The following NHERF1 variants were observed in gnomAD, a reference collection of about 807,000 sequenced individuals.
NHERF1 encodes Na(+)/H(+) exchange regulatory cofactor NHE-RF1.
At chr17:74,763,933 G>A in the NHERF1 span, among the ~76,000 whole-genome samples, 5 of 151,926 alleles carry the variant, frequency 3.3e-5, no homozygotes, top group South Asian at 6.2e-4. Flanking sequence ...GTCCAGTGAC[G>A]GGGGCCGGTG....
At chr17:74,750,286 C>T in the NHERF1 span, among the ~76,000 whole-genome samples, 3 of 152,174 alleles carry the variant, frequency 2.0e-5, 1 homozygote, top group Admixed American at 1.3e-4. Flanking sequence ...GCTGAGCCTC[C>T]TGTCCCCAGA....
chr17:74,759,704 CCT>C, the NHERF1 span, among the ~76,000 whole-genome samples: 2 of 152,248 alleles, frequency 1.3e-5, no homozygotes, highest in Admixed American at 1.3e-4. Context: ...GGAGAGAGCC[CCT>C]GTCTGCCCTC....
At chr17:74,767,036 G>A in the NHERF1 span, 8 of 1,521,484 alleles carry the variant, frequency 5.3e-6, no homozygotes, top group South Asian at 2.2e-5. Context: ...AGACAGATCA[G>A]AAGGTGCTGT....
chr17:74,764,526 G>A, the NHERF1 span, among the ~76,000 whole-genome samples: 9 of 152,126 alleles, frequency 5.9e-5, no homozygotes, highest in Non-Finnish European at 1.3e-4. The surrounding 1 kb of genome is among the most constrained non-coding windows in gnomAD (Gnocchi z 4.9). Context: ...GGAGACTAAG[G>A]CCCAGAGAAG....
the NHERF1 span, chr17:74,748,644 G>T: frequency 2.0e-6 from 1 of 511,676 alleles, no homozygotes; most frequent in South Asian, 3.0e-5. The surrounding 1 kb of genome is among the most constrained non-coding windows in gnomAD (Gnocchi z 4.3). Flanking sequence ...CGCGCGGGGC[G>T]GGGATTGGTC....
At chr17:74,758,656 C>T in the NHERF1 span, among the ~76,000 whole-genome samples, 179 of 152,314 alleles carry the variant, frequency 1.2e-3, no homozygotes, top group African/African-American at 4.0e-3. The surrounding 1 kb of genome is among the most constrained non-coding windows in gnomAD (Gnocchi z 4.3). Context: ...CACCATGCTT[C>T]GGACCCCTCT....
chr17:74,752,886 C>T, the NHERF1 span, among the ~76,000 whole-genome samples: 1 of 152,236 alleles, frequency 6.6e-6, no homozygotes, highest in Admixed American at 6.5e-5. Flanking sequence ...CTATCCCCAG[C>T]GCTGTCCTTG....
chr17:74,750,884 C>T, the NHERF1 span, among the ~76,000 whole-genome samples: 10 of 150,724 alleles, frequency 6.6e-5, no homozygotes, highest in Non-Finnish European at 1.2e-4. Flanking sequence ...GCATAGCACA[C>T]GTGCGCAAAG....
At chr17:74,767,977 G>A in the NHERF1 span, 2 of 724,396 alleles carry the variant, frequency 2.8e-6, no homozygotes, top group Admixed American at 1.9e-5. Context: ...CCAAAGGAAT[G>A]TAAAAAGGAG....
At chr17:74,763,115 TG>T in the NHERF1 span, 2 of 410,776 alleles carry the variant, frequency 4.9e-6, no homozygotes, top group Non-Finnish European at 4.4e-6. Flanking sequence ...CTCCCAGCTG[TG>T]TTTGTTTAGT....
At chr17:74,750,055 A>G in the NHERF1 span, among the ~76,000 whole-genome samples, 1 of 152,128 alleles carries the variant, frequency 6.6e-6, no homozygotes, top group Non-Finnish European at 1.5e-5. Context: ...GGAAGAAGAA[A>G]AAGATGGCCA....
the NHERF1 span, among the ~76,000 whole-genome samples, chr17:74,765,139 C>T: frequency 6.6e-6 from 1 of 152,180 alleles, no homozygotes; most frequent in African/African-American, 2.4e-5. Flanking sequence ...CTCCCTCTGA[C>T]CCCTCCAGGT....
At chr17:74,753,843 G>A in the NHERF1 span, among the ~76,000 whole-genome samples, 1 of 152,094 alleles carries the variant, frequency 6.6e-6, no homozygotes, top group South Asian at 2.1e-4. Context: ...CTGGGAAAGT[G>A]GGGTGGGAAA....
chr17:74,762,246 C>A, the NHERF1 span: 1 of 1,354,866 alleles, frequency 7.4e-7, no homozygotes, highest in Non-Finnish European at 1.0e-6. The surrounding 1 kb of genome is among the most constrained non-coding windows in gnomAD (Gnocchi z 4.2). Context: ...GGGCAGCCAT[C>A]ATACCATCAT....
the NHERF1 span, among the ~76,000 whole-genome samples, chr17:74,764,818 C>T: frequency 6.6e-6 from 1 of 152,186 alleles, no homozygotes; most frequent in African/African-American, 2.4e-5. This position sits in a 1 kb window ranked among gnomAD's most constrained non-coding sequence, Gnocchi z 4.9. Context: ...GCCCCCCTCT[C>T]CGGCTGCCAG....
the NHERF1 span, chr17:74,768,258 TG>T: frequency 7.6e-6 from 12 of 1,580,782 alleles, no homozygotes; most frequent in Non-Finnish European, 9.6e-6. Context: ...ATGCGGGGGG[TG>T]GCAACTGGGT....
the NHERF1 span, among the ~76,000 whole-genome samples, chr17:74,753,827 T>C: frequency 0.012 from 1,771 of 151,980 alleles, 20 homozygotes; most frequent in Non-Finnish European, 0.019. Flanking sequence ...CCCATCTCAA[T>C]GGTCCCTGGG....
chr17:74,765,557 CT>C, the NHERF1 span, among the ~76,000 whole-genome samples: 267 of 128,734 alleles, frequency 2.1e-3, no homozygotes, highest in Middle Eastern at 6.3e-3. Flanking sequence ...CGCGCCTGGC[CT>C]TTTTTTTTTT....
the NHERF1 span, chr17:74,763,415 G>C: frequency 6.2e-7 from 1 of 1,614,050 alleles, no homozygotes; most frequent in South Asian, 1.1e-5. Context: ...CGTGGTGTCC[G>C]CCATCAGGGC....
Sources: allele counts gnomAD v4.1 joint callset (sites outside exome capture counted in the v4.1 genomes callset), GRCh38; gene constraint gnomAD v4.1.1; non-coding constraint Gnocchi (gnomAD v3.1); transcripts MANE v1.5; gene names NCBI Gene and HGNC (gene_info 2026-07-23, HGNC 2026-07-21).